The following COL4A2 variants were observed in gnomAD, a reference collection of about 807,000 sequenced individuals.
The protein encoded by COL4A2 is collagen alpha-2(IV) chain.
COL4A2 carries 99 observed loss-of-function variants against 200.2 expected under a neutral mutation model. That is an observed-to-expected ratio of 0.49 (90% CI 0.42 to 0.58). The LOEUF (loss-of-function observed/expected upper bound fraction) is 0.58. Ranked by LOEUF, COL4A2 falls within the 20% of genes least tolerant of loss-of-function variation. The pLI is 0.00. For missense variants in COL4A2, 1,950 were observed against 2,314.1 expected (o/e 0.84, Z 3.23); for synonymous variants, 897 against 900.6 (o/e 1.00, Z 0.07).
At chr13:110,402,558 C>T (rs529019545) in intron 4 of COL4A2, among the ~76,000 whole-genome samples, 1 of 152,352 alleles carries the variant, frequency 6.6e-6, no homozygotes, top group Non-Finnish European at 1.5e-5. Flanking sequence ...GCAAACTGGT[C>T]ACTCCACTGT....
At chr13:110,386,765 C>T (rs1594184794) in intron 4 of COL4A2, among the ~76,000 whole-genome samples, 3 of 152,104 alleles carry the variant, frequency 2.0e-5, no homozygotes, top group African/African-American at 2.4e-5. Context: ...GAGATGCTTA[C>T]GCTCTAGAAG....
At chr13:110,411,504 A>G (rs1879836230) in intron 4 of COL4A2, among the ~76,000 whole-genome samples, 1 of 152,082 alleles carries the variant, frequency 6.6e-6, no homozygotes, top group South Asian at 2.1e-4. Context: ...TTTGGGTTTC[A>G]CCTTCTTTTT....
Position 110,430,408 on chromosome 13 carries a change from CT to C in COL4A2, c.558del (p.Gly187GlufsTer59). 6.2e-7 allele frequency: 1 copy of C among 1,614,038 alleles called. No individual in the cohort carries two copies. Among genetic ancestry groups the C allele is most frequent in the Non-Finnish European group, 8.5e-7 (1 of 1,180,014 alleles). On this transcript the variant is annotated frameshift_variant, in exon 9 of 48. Coordinates refer to ENST00000360467, the MANE Select transcript of COL4A2 (RefSeq NM_001846.4). LOFTEE classifies it high-confidence loss of function. Reference sequence around the variant, plus strand: ...TTATTTCTTCTCCATTAGGGTGAACCTGGAGAGCCTGGATTGGTCGGTTTCC... The same window carrying C: ...TTATTTCTTCTCCATTAGGGTGAACCGGAGAGCCTGGATTGGTCGGTTTCC... ...KEERDRYRGE[P>X]GEPGLVGFQG...
chr13:110,368,861 GT>G (rs781651437), intron 4 of COL4A2, among the ~76,000 whole-genome samples: 358 of 119,880 alleles, frequency 3.0e-3, no homozygotes, highest in Admixed American at 7.8e-3. Context: ...GGGGGGGGGG[GT>G]TGAGCTCAAT....
intron 45 of COL4A2, among the ~76,000 whole-genome samples, chr13:110,505,089 G>A (rs957804039): frequency 1.2e-4 from 18 of 151,922 alleles, no homozygotes; most frequent in Non-Finnish European, 2.4e-4. Flanking sequence ...GGTGGCTCAC[G>A]CCTGTAATCC....
intron 18 of COL4A2, 47 bp from the exon 19 acceptor site, chr13:110,449,632 C>T (rs756800451): frequency 2.3e-5 from 34 of 1,493,552 alleles, no homozygotes; most frequent in Middle Eastern, 1.8e-4. Flanking sequence ...AGCTGCGATC[C>T]GTAGACCACG....
chr13:110,482,518 G>C lies in COL4A2; in HGVS notation c.2761G>C (p.Asp921His). 1 of 1,614,034 alleles carries C rather than the reference G, an allele frequency of 6.2e-7. No homozygotes were observed. The change falls in exon 32 of 48, where the codon GAT becomes CAT. Residue 921 changes from aspartate (D) to histidine (H), a missense_variant and splice_region_variant. Transcript: ENST00000360467. ...GMPGTPGLKG[D>H]RGSPGMDGFQ... Reference sequence around the variant, plus strand: ...CACTTTTCTCTTTTCCTCTGAAGGAGATAGAGGCTCACCTGGGATGGATGG... The same window carrying C: ...CACTTTTCTCTTTTCCTCTGAAGGACATAGAGGCTCACCTGGGATGGATGG...
intron 3 of COL4A2, among the ~76,000 whole-genome samples, chr13:110,338,441 G>GT (rs1300238594): frequency 2.0e-5 from 3 of 148,896 alleles, no homozygotes; most frequent in Admixed American, 6.7e-5. Flanking sequence ...GTGTGGGGGG[G>GT]GGTGGGGGTA....
intron 41 of COL4A2, among the ~76,000 whole-genome samples, 169 bp downstream of exon 41, chr13:110,501,953 C>T (rs563246496): frequency 3.0e-4 from 46 of 152,298 alleles, no homozygotes; most frequent in Admixed American, 1.9e-3. Flanking sequence ...ATCACCTGCA[C>T]GACCTGGTCC....
chr13:110,329,820 C>T (rs775432980), intron 3 of COL4A2, among the ~76,000 whole-genome samples: 4 of 152,168 alleles, frequency 2.6e-5, no homozygotes, highest in African/African-American at 4.8e-5. Flanking sequence ...GTTATGACCA[C>T]CACGGCACTG....
rs1022721430 is a variant in COL4A2, at chr13:110,307,301, G to C, written c.-272G>C. ...CGGCCCGGGAGTGTGGCTGCAGTGC[G>C]CCGGGACACCAGGGCTCCGCGCTCC... On this transcript the variant is annotated 5_prime_UTR_variant, in exon 1 of 48. Transcript: ENST00000360467. The surrounding 1 kb of genome is among the most constrained non-coding windows in gnomAD (Gnocchi z 5.0). The C allele has an allele frequency of 1.1e-5, 4 of 356,998 alleles. No individual in the cohort carries two copies. Among genetic ancestry groups the C allele is most frequent in the Non-Finnish European group, 2.0e-5 (4 of 200,010 alleles). The allele number at this position is 356,998 out of a possible 1,614,324, so 22.1% of individuals were successfully genotyped here.
At chr13:110,420,254 A>T (rs1232693632) in intron 4 of COL4A2, among the ~76,000 whole-genome samples, 1 of 152,198 alleles carries the variant, frequency 6.6e-6, no homozygotes, top group Non-Finnish European at 1.5e-5. Flanking sequence ...TCTCCACTGG[A>T]GTTCGTGTCA....
At chr13:110,432,411 T>C (rs1880716921) in intron 11 of COL4A2, 51 bp downstream of exon 11, 4 of 1,554,674 alleles carry the variant, frequency 2.6e-6, no homozygotes, top group South Asian at 1.2e-5. Flanking sequence ...CTTAGGTGTT[T>C]GTGGGTTTGT....
intron 45 of COL4A2, 41 bp from the exon 46 acceptor site, chr13:110,506,374 G>A (rs1179542313): frequency 6.3e-7 from 1 of 1,575,096 alleles, no homozygotes; most frequent in Non-Finnish European, 8.6e-7. Flanking sequence ...CGGGCTGCAG[G>A]TGCACCAGGC....
At chr13:110,359,655 C>G (rs955323121) in intron 4 of COL4A2, among the ~76,000 whole-genome samples, 1 of 152,216 alleles carries the variant, frequency 6.6e-6, no homozygotes. Context: ...GAACGACCCT[C>G]TGCTGGAGCT....
chr13:110,505,517 C>T (rs528485517), intron 45 of COL4A2, among the ~76,000 whole-genome samples: 1 of 152,134 alleles, frequency 6.6e-6, no homozygotes, highest in African/African-American at 2.4e-5. Flanking sequence ...GGGTAGGAGA[C>T]AAGCTAGGGA....
chr13:110,372,543 A>G (rs1179195175), intron 4 of COL4A2, among the ~76,000 whole-genome samples: 1 of 152,176 alleles, frequency 6.6e-6, no homozygotes. Context: ...TTTGTGTATC[A>G]TTGCCTTTCT....
At chr13:110,422,788 A>G (rs1880304639) in intron 4 of COL4A2, among the ~76,000 whole-genome samples, 1 of 152,126 alleles carries the variant, frequency 6.6e-6, no homozygotes, top group South Asian at 2.1e-4. Context: ...CTAACATCTC[A>G]AGGAATTGCC....
chr13:110,382,600 A>G (rs568423126), intron 4 of COL4A2, among the ~76,000 whole-genome samples: 10 of 152,258 alleles, frequency 6.6e-5, no homozygotes, highest in Non-Finnish European at 1.5e-4. Flanking sequence ...CAAAGTAAAT[A>G]AAATTGAAGA....
Sources: allele counts gnomAD v4.1 joint callset (sites outside exome capture counted in the v4.1 genomes callset), GRCh38; gene constraint gnomAD v4.1.1; non-coding constraint Gnocchi (gnomAD v3.1); transcripts MANE v1.5; gene names NCBI Gene and HGNC (gene_info 2026-07-23, HGNC 2026-07-21).